Variants in PDZRN3 observed in about 807,000 individuals in gnomAD.
The protein encoded by PDZRN3 is E3 ubiquitin-protein ligase PDZRN3.
In PDZRN3, 38 loss-of-function variants were observed where a neutral mutation model predicts 85.7. The ratio of observed to expected loss-of-function variants is 0.44; its 90% CI spans 0.34 to 0.58. The LOEUF is 0.58. Among genes scored for constraint, PDZRN3 ranks in the 20% least tolerant of loss-of-function variants. The pLI is 0.01. For synonymous variants in PDZRN3, 759 were observed against 638.0 expected, an observed-to-expected ratio of 1.19 and a Z score of -2.86; for missense variants, 1,629 against 1,506.4, an observed-to-expected ratio of 1.08 and a Z score of -1.35.
chr3:73,461,613 T>C (rs1207700544), intron 3 of PDZRN3, among the ~76,000 whole-genome samples: 1 of 152,244 alleles, frequency 6.6e-6, no homozygotes, highest in Non-Finnish European at 1.5e-5. Context: ...AATCTGGACA[T>C]GAAACACAAA....
At chr3:73,552,166 C>G (rs1239073007) in intron 3 of PDZRN3, among the ~76,000 whole-genome samples, 1 of 152,076 alleles carries the variant, frequency 6.6e-6, no homozygotes, top group Non-Finnish European at 1.5e-5. Flanking sequence ...TTACTCATCT[C>G]AGTACCTCAG....
chr3:73,620,920 T>C (rs1702848523), intron 1 of PDZRN3, among the ~76,000 whole-genome samples: 1 of 152,220 alleles, frequency 6.6e-6, no homozygotes, highest in Admixed American at 6.5e-5. Context: ...TTAAGAAATT[T>C]AGGAAGGTGT....
chr3:73,528,912 A>ACACACG (rs1387362063), intron 3 of PDZRN3, among the ~76,000 whole-genome samples: 2 of 138,026 alleles, frequency 1.4e-5, no homozygotes, highest in Non-Finnish European at 3.3e-5. Flanking sequence ...ACACACACAC[A>ACACACG]CACACGCACA....
chr3:73,436,738 C>G (rs947727155), intron 3 of PDZRN3, among the ~76,000 whole-genome samples: 6 of 152,138 alleles, frequency 3.9e-5, no homozygotes, highest in Admixed American at 3.3e-4. Context: ...CTTAGGAACT[C>G]TTTCACTCTT....
chr3:73,517,843 A>G (rs992081492), intron 3 of PDZRN3, among the ~76,000 whole-genome samples: 13 of 152,264 alleles, frequency 8.5e-5, no homozygotes, highest in African/African-American at 2.9e-4. Flanking sequence ...CACGACTAAA[A>G]TAAGTTTCTT....
At chr3:73,586,656 A>T (rs1392964948) in intron 3 of PDZRN3, among the ~76,000 whole-genome samples, 1 of 152,220 alleles carries the variant, frequency 6.6e-6, no homozygotes, top group Non-Finnish European at 1.5e-5. Context: ...AGACCTATTT[A>T]GGTGTAACTT....
At chr3:73,547,917 G>T (rs1384581802) in intron 3 of PDZRN3, among the ~76,000 whole-genome samples, 1 of 152,134 alleles carries the variant, frequency 6.6e-6, no homozygotes, top group African/African-American at 2.4e-5. Flanking sequence ...GGCTCCAAAG[G>T]CTTCTTGGAC....
intron 1 of PDZRN3, among the ~76,000 whole-genome samples, chr3:73,620,659 C>A (rs147864589): frequency 2.2e-4 from 33 of 148,668 alleles, no homozygotes; most frequent in African/African-American, 7.4e-4. Context: ...TTACTGCAAG[C>A]TCCGCTTCCC....
At chr3:73,393,134 T>TGCTACG (rs1701562621) in intron 5 of PDZRN3, among the ~76,000 whole-genome samples, 1 of 152,100 alleles carries the variant, frequency 6.6e-6, no homozygotes, top group Admixed American at 6.6e-5. Flanking sequence ...GCTCGCCCAG[T>TGCTACG]GCTACCCCTG....
chr3:73,527,980 G>T (rs1213304919), intron 3 of PDZRN3, among the ~76,000 whole-genome samples: 1 of 152,178 alleles, frequency 6.6e-6, no homozygotes, highest in Non-Finnish European at 1.5e-5. Context: ...TCTCTGTGCT[G>T]GCATAGCCAA....
At chr3:73,578,408 G>A (rs1702154555) in intron 3 of PDZRN3, among the ~76,000 whole-genome samples, 1 of 152,122 alleles carries the variant, frequency 6.6e-6, no homozygotes, top group Admixed American at 6.6e-5. Flanking sequence ...CTGACCTCGT[G>A]ATCCGCCAGC....
chr3:73,585,959 C>A (rs1284649278), intron 3 of PDZRN3, among the ~76,000 whole-genome samples: 1 of 152,106 alleles, frequency 6.6e-6, no homozygotes, highest in Non-Finnish European at 1.5e-5. Flanking sequence ...CCAGAAATAA[C>A]ACAATTTCCT....
At chr3:73,579,684 T>C (rs1702170604) in intron 3 of PDZRN3, among the ~76,000 whole-genome samples, 2 of 152,102 alleles carry the variant, frequency 1.3e-5, no homozygotes, top group South Asian at 4.2e-4. Context: ...TGTGTAAGAG[T>C]GAATTTCACT....
At chr3:73,450,665 G>A (rs1227414633) in intron 3 of PDZRN3, among the ~76,000 whole-genome samples, 1 of 152,144 alleles carries the variant, frequency 6.6e-6, no homozygotes, top group Non-Finnish European at 1.5e-5. Context: ...CTGGTTTAGG[G>A]TACAAGTTTA....
intron 4 of PDZRN3, among the ~76,000 whole-genome samples, chr3:73,401,398 C>G (rs768554916): frequency 6.6e-6 from 1 of 152,138 alleles, no homozygotes; most frequent in East Asian, 1.9e-4. Context: ...GAACTAGGCT[C>G]GAGCCCAGGC....
At position 73,384,654 on chromosome 3, in the gene PDZRN3, TC is replaced by T; in HGVS notation, c.1911del (p.Ile638SerfsTer19). 1 of 1,613,908 alleles carries T rather than the reference TC, an allele frequency of 6.2e-7. No homozygotes were observed. The highest frequency in any genetic ancestry group is 8.5e-7 in the Non-Finnish European group (1 of 1,180,024). On this transcript the variant is annotated frameshift_variant, in exon 10 of 10. Transcript: ENST00000263666. LOFTEE classifies it high-confidence loss of function. The part of the protein sequence containing the change: ...SADCTDADYL[G>X]IPVDECERFR... ...AAGCGCTCGCACTCGTCCACCGGGATCCCCAGGTAGTCGGCGTCCGTGCAGT... is the reference window on the plus strand; with the variant it reads ...AAGCGCTCGCACTCGTCCACCGGGATCCCAGGTAGTCGGCGTCCGTGCAGT...
chr3:73,505,301 T>C (rs897533041), intron 3 of PDZRN3, among the ~76,000 whole-genome samples: 2 of 152,198 alleles, frequency 1.3e-5, no homozygotes, highest in African/African-American at 4.8e-5. Context: ...TCCTTAAAGA[T>C]AGACTTTGCT....
At position 73,624,247 on chromosome 3, in the gene PDZRN3, C is replaced by T; in HGVS notation, c.579G>A (p.Lys193=). The T allele has an allele frequency of 6.9e-7, 1 of 1,456,632 alleles. No individual in the cohort carries two copies. The highest frequency in any genetic ancestry group is 9.0e-7 in the Non-Finnish European group (1 of 1,110,404). 90.2% of individuals were successfully genotyped at this position (1,456,632 alleles called of 1,614,324 possible). ...GCTGGGCCACCAGCGACTTCTCGCG[C>T]TTCCCAGCGCGCAGCGCCTCCTTCT... The part of the protein sequence containing the change: ...ALKKEALRAG[K]REKSLVAQLA... The change falls in exon 1 of 10, where the codon AAG becomes AAA. Residue 193 remains lysine (K), a synonymous_variant. Coordinates refer to ENST00000263666, the MANE Select transcript of PDZRN3 (RefSeq NM_015009.3).
At chr3:73,619,916 G>C (rs550509143) in intron 1 of PDZRN3, among the ~76,000 whole-genome samples, 42 of 152,368 alleles carry the variant, frequency 2.8e-4, no homozygotes, top group Non-Finnish European at 4.6e-4. Flanking sequence ...CCAGGCAAGA[G>C]TGTCTGAGAC....
Sources: gnomAD v4.1 joint callset for allele counts (sites outside exome capture counted in the v4.1 genomes callset) on GRCh38, gnomAD v4.1.1 for gene constraint, MANE v1.5 for transcripts, NCBI Gene and HGNC (gene_info 2026-07-23, HGNC 2026-07-21) for gene names.